The following FNBP4 variants were observed in gnomAD, a reference collection of about 807,000 sequenced individuals.
FNBP4 encodes formin-binding protein 4.
In FNBP4, 34 loss-of-function variants were observed where a neutral mutation model predicts 119.3. The ratio of observed to expected loss-of-function variants is 0.28; its 90% confidence interval spans 0.22 to 0.38. The LOEUF is 0.38. Ranked by LOEUF, FNBP4 falls within the 10% of genes least tolerant of loss-of-function variation. FNBP4 has a pLI of 1.00. For missense variants in FNBP4, 1,112 were observed against 1,228.9 expected, an observed-to-expected ratio of 0.90 and a Z score of 1.42; for synonymous variants, 462 against 430.6, an observed-to-expected ratio of 1.07 and a Z score of -0.90.
intron 2 of FNBP4, among the ~76,000 whole-genome samples, chr11:47,764,517 TTTTG>T (rs780210983): frequency 7.2e-5 from 11 of 151,972 alleles, no homozygotes; most frequent in South Asian, 2.1e-4. Context: ...CACTGGGGTG[TTTTG>T]TTTGTTTTTT....
Sources: allele counts gnomAD v4.1 joint callset (sites outside exome capture counted in the v4.1 genomes callset), GRCh38; gene constraint gnomAD v4.1.1; transcripts MANE v1.5; gene names NCBI Gene and HGNC (gene_info 2026-07-23, HGNC 2026-07-21).